Variants in EFCAB6 observed in about 807,000 individuals in gnomAD.
EFCAB6 encodes the protein EF-hand calcium-binding domain-containing protein 6.
In EFCAB6, 156 loss-of-function variants were observed where a neutral mutation model predicts 169.8. The ratio of observed to expected loss-of-function variants is 0.92; its 90% CI spans 0.81 to 1.05. The LOEUF (loss-of-function observed/expected upper bound fraction) is 1.05, where lower values mean the gene tolerates loss of function less well. Among genes scored for constraint, EFCAB6 ranks in the 50% least tolerant of loss-of-function variants. The pLI is 0.00. For missense variants in EFCAB6, 1,800 were observed against 1,829.1 expected (o/e 0.98, Z 0.29); for synonymous variants, 698 against 676.4 (o/e 1.03, Z -0.50).
chr22:43,808,314 T>C (rs895105008), intron 2 of EFCAB6, among the ~76,000 whole-genome samples: 2 of 152,102 alleles, frequency 1.3e-5, no homozygotes, highest in Admixed American at 1.3e-4. Context: ...TATCTTCGAG[T>C]GGGTGCTGAA....
At chr22:43,637,857 C>G (rs1436639681) in intron 17 of EFCAB6, among the ~76,000 whole-genome samples, 6 of 152,224 alleles carry the variant, frequency 3.9e-5, no homozygotes, top group Non-Finnish European at 5.9e-5. Context: ...TTGAAAAAAA[C>G]TTTATATTTT....
intron 25 of EFCAB6, among the ~76,000 whole-genome samples, chr22:43,580,225 G>A (rs751554165): frequency 1.3e-5 from 2 of 152,012 alleles, no homozygotes; most frequent in Non-Finnish European, 2.9e-5. Context: ...TTTTTGCCCA[G>A]AGCCCCATGT....
At chr22:43,617,605 C>T (rs1337327414) in intron 20 of EFCAB6, among the ~76,000 whole-genome samples, 2 of 152,202 alleles carry the variant, frequency 1.3e-5, no homozygotes, top group East Asian at 3.9e-4. Flanking sequence ...AATTCCTCTC[C>T]TATTGCCCAG....
intron 20 of EFCAB6, among the ~76,000 whole-genome samples, chr22:43,617,612 C>T (rs2053783961): frequency 6.6e-6 from 1 of 152,150 alleles, no homozygotes; most frequent in Non-Finnish European, 1.5e-5. Context: ...CTCCTATTGC[C>T]CAGCTTGTTA....
chr22:43,614,575 C>G (rs1283502673), intron 21 of EFCAB6, among the ~76,000 whole-genome samples: 1 of 152,200 alleles, frequency 6.6e-6, no homozygotes, highest in East Asian at 1.9e-4. Flanking sequence ...TTGGCAGTGA[C>G]TTGTTAGATA....
At chr22:43,614,160 T>C (rs1357706531) in intron 21 of EFCAB6, among the ~76,000 whole-genome samples, 1 of 63,034 alleles carries the variant, frequency 1.6e-5, no homozygotes. Flanking sequence ...AGACTCAGAA[T>C]AGCCAACACA....
At chr22:43,710,137 G>A (rs568890377) in intron 10 of EFCAB6, among the ~76,000 whole-genome samples, 4 of 152,338 alleles carry the variant, frequency 2.6e-5, no homozygotes, top group Admixed American at 6.5e-5. Flanking sequence ...ACCAGGTAAA[G>A]AGAGTATTCC....
At chr22:43,621,676 A>G (rs1420656218) in intron 20 of EFCAB6, among the ~76,000 whole-genome samples, 2 of 152,150 alleles carry the variant, frequency 1.3e-5, no homozygotes, top group Non-Finnish European at 2.9e-5. Flanking sequence ...ACAAGCAGAA[A>G]GAAGGAAATA....
At chr22:43,638,224 A>G (rs997872822) in intron 17 of EFCAB6, among the ~76,000 whole-genome samples, 2 of 152,222 alleles carry the variant, frequency 1.3e-5, no homozygotes, top group Admixed American at 1.3e-4. Flanking sequence ...CAGCAAATCA[A>G]CCAGATTTAT....
intron 17 of EFCAB6, among the ~76,000 whole-genome samples, chr22:43,645,146 T>C (rs1213775955): frequency 6.6e-6 from 1 of 152,210 alleles, no homozygotes; most frequent in Non-Finnish European, 1.5e-5. Flanking sequence ...AACAGGGAGT[T>C]TCCTTATTCA....
chr22:43,739,165 C>T (rs2060276288), intron 6 of EFCAB6, among the ~76,000 whole-genome samples: 1 of 152,266 alleles, frequency 6.6e-6, no homozygotes, highest in Non-Finnish European at 1.5e-5. Context: ...TTTGTCCACA[C>T]TACTGCACAA....
intron 24 of EFCAB6, among the ~76,000 whole-genome samples, chr22:43,582,335 T>TACAC (rs1348416599): frequency 1.6e-5 from 2 of 124,230 alleles, no homozygotes; most frequent in Non-Finnish European, 3.4e-5. Flanking sequence ...TTCCTTTCTA[T>TACAC]ACACATACAC....
intron 19 of EFCAB6, among the ~76,000 whole-genome samples, chr22:43,630,679 C>A (rs558021452): frequency 8.1e-4 from 124 of 152,306 alleles, no homozygotes; most frequent in Admixed American, 1.2e-3. Context: ...GGAGCCTTTG[C>A]CTCCGTTCTG....
chr22:43,579,447 CAAGCATCATTCCATACATAT>C (rs1190160030), intron 25 of EFCAB6, among the ~76,000 whole-genome samples: 38 of 148,638 alleles, frequency 2.6e-4, no homozygotes, highest in African/African-American at 9.3e-4. Flanking sequence ...TCCCTACATG[CAAGCATCATTCCATACATAT>C]AGGCATCATT....
intron 23 of EFCAB6, among the ~76,000 whole-genome samples, chr22:43,597,459 G>A (rs1417744844): frequency 6.6e-6 from 1 of 152,190 alleles, no homozygotes; most frequent in Non-Finnish European, 1.5e-5. Flanking sequence ...TTTCTCAAAA[G>A]AGGACATATA....
Position 43,600,174 on chromosome 22 carries a change from C to A in EFCAB6, c.2771G>T (p.Cys924Phe). Residue 924 changes from cysteine to phenylalanine, a missense_variant, in exon 23 of 32, where the codon TGT becomes TTT. Physicochemically the swap from Cys to Phe is radical, Grantham distance 205. Transcript: ENST00000262726. ...CATGAAGTTGAAATAATCCTCTGCA[C>A]AGGGCCGATGGACAGCAGGCGAATA... ...INYSPAVHRP[C>F]AEDYFNFMGH... 1 of 1,614,152 alleles carries A rather than the reference C, an allele frequency of 6.2e-7. No individual in the cohort carries two copies. Among genetic ancestry groups the A allele is most frequent in the Non-Finnish European group, 8.5e-7 (1 of 1,180,026 alleles).
chr22:43,539,246 C>T (rs1353060860), intron 28 of EFCAB6, among the ~76,000 whole-genome samples: 1 of 152,224 alleles, frequency 6.6e-6, no homozygotes, highest in Non-Finnish European at 1.5e-5. Flanking sequence ...AGGATTAGGA[C>T]ACAGGCATCT....
chr22:43,658,072 T>C (rs2056831308), intron 17 of EFCAB6, among the ~76,000 whole-genome samples: 1 of 151,634 alleles, frequency 6.6e-6, no homozygotes. Flanking sequence ...CTACTAAAAA[T>C]ACAAAAATTA....
intron 2 of EFCAB6, among the ~76,000 whole-genome samples, chr22:43,793,930 T>C (rs951175383): frequency 2.6e-5 from 4 of 152,190 alleles, no homozygotes; most frequent in Non-Finnish European, 4.4e-5. Context: ...TTTTTAAAAA[T>C]GGATTTTCAA....
Sources: gnomAD v4.1 joint callset for allele counts (sites outside exome capture counted in the v4.1 genomes callset) on GRCh38, gnomAD v4.1.1 for gene constraint, MANE v1.5 for transcripts, NCBI Gene and HGNC (gene_info 2026-07-23, HGNC 2026-07-21) for gene names.